Variants in CEP128 observed in about 807,000 individuals in gnomAD.
CEP128 encodes the protein centrosomal protein 128kDa.
Under a neutral mutation model 156.7 loss-of-function variants are expected in CEP128, and 132 were observed. That is an observed-to-expected ratio of 0.84 (90% CI 0.73 to 0.97). CEP128 has a LOEUF of 0.97. Ranked by LOEUF, CEP128 falls within the 50% of genes least tolerant of loss-of-function variation. CEP128 has a pLI of 0.00. For missense variants in CEP128, 1,252 were observed against 1,281.9 expected, an observed-to-expected ratio of 0.98 and a Z score of 0.36; for synonymous variants, 469 against 448.9, an observed-to-expected ratio of 1.04 and a Z score of -0.57.
chr14:80,732,670 C>G (rs1437801973), intron 19 of CEP128, among the ~76,000 whole-genome samples: 3 of 152,092 alleles, frequency 2.0e-5, no homozygotes, highest in African/African-American at 7.2e-5. Context: ...GTCACTCTTA[C>G]CAAATGCTTT....
chr14:80,694,927 A>C (rs1418333998), intron 19 of CEP128, among the ~76,000 whole-genome samples: 3 of 152,110 alleles, frequency 2.0e-5, no homozygotes, highest in African/African-American at 4.8e-5. Flanking sequence ...TAAAAAAAAA[A>C]AAAAAACTTG....
intron 8 of CEP128, among the ~76,000 whole-genome samples, chr14:80,869,291 G>C (rs1382169293): frequency 6.6e-6 from 1 of 151,828 alleles, no homozygotes; most frequent in East Asian, 1.9e-4. Context: ...TATAAAACTA[G>C]ATATAAATGA....
At chr14:80,759,950 TACA>T (rs1899878124) in intron 17 of CEP128, among the ~76,000 whole-genome samples, 1 of 151,752 alleles carries the variant, frequency 6.6e-6, no homozygotes, top group Non-Finnish European at 1.5e-5. Context: ...ATATATATCT[TACA>T]ACATGATCCA....
At chr14:80,929,837 A>G (rs1885354116) in intron 2 of CEP128, among the ~76,000 whole-genome samples, 1 of 152,232 alleles carries the variant, frequency 6.6e-6, no homozygotes, top group African/African-American at 2.4e-5. Context: ...CCATGTAACC[A>G]AAAACCACTT....
At chr14:80,661,832 A>C (rs951060658) in intron 19 of CEP128, among the ~76,000 whole-genome samples, 1 of 152,228 alleles carries the variant, frequency 6.6e-6, no homozygotes, top group Non-Finnish European at 1.5e-5. Context: ...ATGAGATTTA[A>C]AAAATGATCA....
intron 23 of CEP128, chr14:80,514,632 T>C: frequency 2.7e-6 from 1 of 375,514 alleles, no homozygotes; most frequent in South Asian, 2.0e-5. Flanking sequence ...CTTCTCTGTG[T>C]TATCTTGAAT....
Position 80,650,779 on chromosome 14 carries a change from T to C in CEP128, c.2807-70356A>G, listed in dbSNP as rs188780594. ...CCCAGGGATGAAGCCTGCTTGATCATGGTGGATAAGCTTTTTGATGTGCTG... is the reference window on the plus strand; with the variant it reads ...CCCAGGGATGAAGCCTGCTTGATCACGGTGGATAAGCTTTTTGATGTGCTG... On this transcript the variant is annotated intron_variant, in intron 19 of 24. Coordinates refer to ENST00000555265, the MANE Select transcript of CEP128 (RefSeq NM_152446.5). 5.9e-3 allele frequency among the ~76,000 whole-genome samples: 896 copies of C among 152,272 alleles called. 6 individuals carry two copies. The highest frequency in any genetic ancestry group is 0.01 in the Non-Finnish European group (707 of 67,996).
At chr14:80,523,674 A>T (rs1478860160) in intron 23 of CEP128, among the ~76,000 whole-genome samples, 1 of 152,238 alleles carries the variant, frequency 6.6e-6, no homozygotes, top group Non-Finnish European at 1.5e-5. Context: ...CCATGCACCT[A>T]GAAAGTTCCT....
At position 80,725,019 on chromosome 14, in the gene CEP128, G is replaced by GATATAT. The variant is rs563908140; in HGVS notation, c.2806+18050_2806+18055dup. ...ATATCATATATATATATACATATATGATATATATATATATATATGTCAGTG... is the reference window on the plus strand; with the variant it reads ...ATATCATATATATATATACATATATGATATATATATATATATATATATATGTCAGTG... On this transcript the variant is annotated intron_variant, in intron 19 of 24. Coordinates refer to ENST00000555265, the MANE Select transcript of CEP128 (RefSeq NM_152446.5). Among the ~76,000 whole-genome samples the GATATAT allele has an allele frequency of 2.0e-3, 272 of 138,838 alleles. 1 individual carries two copies. The highest frequency in any genetic ancestry group is 6.8e-3 in the African/African-American group (257 of 37,910). The allele number at this position is 138,838 out of a possible 152,430, so 91.1% of individuals were successfully genotyped here. A position where few individuals can be genotyped will look rare whatever the true frequency, so the allele number is the denominator to read the frequency against.
chr14:80,695,562 A>C (rs1372507666), intron 19 of CEP128, among the ~76,000 whole-genome samples: 2 of 151,850 alleles, frequency 1.3e-5, no homozygotes, highest in Non-Finnish European at 2.9e-5. Flanking sequence ...CTAAAGATAT[A>C]AAAAATTAGC....
chr14:80,488,905 G>A (rs1887233327), downstream of CEP128, among the ~76,000 whole-genome samples: 1 of 146,180 alleles, frequency 6.8e-6, no homozygotes, highest in African/African-American at 2.5e-5. Context: ...AACACCACAT[G>A]TTCTCACTCA....
intron 19 of CEP128, among the ~76,000 whole-genome samples, chr14:80,595,809 G>C (rs1892289684): frequency 6.6e-6 from 1 of 152,124 alleles, no homozygotes; most frequent in South Asian, 2.1e-4. Flanking sequence ...CATGGCAGAA[G>C]GCAAGGAGGA....
chr14:80,791,545 GCTACCTAC>G (rs1172627650), intron 14 of CEP128, among the ~76,000 whole-genome samples: 1 of 152,078 alleles, frequency 6.6e-6, no homozygotes, highest in East Asian at 1.9e-4. Context: ...CCTCTCGCTA[GCTACCTAC>G]CTACCTTACA....
intron 21 of CEP128, among the ~76,000 whole-genome samples, chr14:80,551,670 T>A (rs1890213407): frequency 6.6e-6 from 1 of 152,244 alleles, no homozygotes; most frequent in South Asian, 2.1e-4. Flanking sequence ...TGATTTCTTA[T>A]CAACACTCTC....
chr14:80,798,165 A>C (rs1883603832), intron 13 of CEP128, among the ~76,000 whole-genome samples: 1 of 152,200 alleles, frequency 6.6e-6, no homozygotes. Context: ...ATCTAAATCT[A>C]AAACTTTATA....
chr14:80,879,608 T>C (rs1888435665), intron 8 of CEP128, among the ~76,000 whole-genome samples: 2 of 151,290 alleles, frequency 1.3e-5, no homozygotes, highest in African/African-American at 4.9e-5. Context: ...AAGAGACAGT[T>C]TGTGAATTTG....
chr14:80,704,201 A>G (rs1243032243), intron 19 of CEP128, among the ~76,000 whole-genome samples: 1 of 152,082 alleles, frequency 6.6e-6, no homozygotes, highest in Non-Finnish European at 1.5e-5. Context: ...CTAGATCATT[A>G]GAAGATTTTA....
chr14:80,538,581 CA>C (rs1405802816), intron 21 of CEP128, among the ~76,000 whole-genome samples: 1 of 152,104 alleles, frequency 6.6e-6, no homozygotes, highest in African/African-American at 2.4e-5. Flanking sequence ...TATATCAATC[CA>C]TCTATCCATC....
chr14:80,784,652 TC>T (rs1216082068), intron 15 of CEP128, among the ~76,000 whole-genome samples: 1 of 152,130 alleles, frequency 6.6e-6, no homozygotes, highest in Non-Finnish European at 1.5e-5. Context: ...TTTCCTGAAC[TC>T]CCCAAACAGC....
Sources: allele counts gnomAD v4.1 joint callset (sites outside exome capture counted in the v4.1 genomes callset), GRCh38; gene constraint gnomAD v4.1.1; transcripts MANE v1.5; gene names NCBI Gene and HGNC (gene_info 2026-07-23, HGNC 2026-07-21).